C1QA: variants seen among roughly 807,000 people sequenced by gnomAD.
The protein encoded by C1QA is complement C1q subcomponent subunit A.
C1QA carries 3 observed loss-of-function variants against 6.9 expected under a neutral mutation model. That is an observed-to-expected ratio of 0.44 (90% confidence interval 0.20 to 1.12). The LOEUF is 1.12. Among genes scored for constraint, C1QA ranks in the 50% most tolerant of loss-of-function variants. The pLI is 0.27. For synonymous variants in C1QA, 128 were observed against 134.1 expected, an observed-to-expected ratio of 0.95 and a Z score of 0.31; for missense variants, 273 against 326.6, an observed-to-expected ratio of 0.84 and a Z score of 1.26.
At position 22,639,103 on chromosome 1, in the gene C1QA, A is replaced by G. The variant is rs1484252584; in HGVS notation, c.434A>G (p.Gln145Arg). The change falls in exon 3 of 3, where the codon CAG becomes CGG. Residue 145 changes from glutamine (Q) to arginine (R), a missense_variant. Physicochemically the swap from Gln to Arg is conservative, Grantham distance 43. Coordinates refer to ENST00000374642, the MANE Select transcript of C1QA (RefSeq NM_015991.4). This position sits in a 1 kb window ranked among gnomAD's most constrained non-coding sequence, Gnocchi z 4.6. ...TVITNQEEPYQNHSGRFVCTV... is the reference protein window; with the variant it reads ...TVITNQEEPYRNHSGRFVCTV... ...ATCACCAACCAGGAAGAACCGTACC[A>G]GAACCACTCCGGCCGATTCGTCTGC... The G allele has an allele frequency of 1.2e-6, 2 of 1,614,262 alleles. No individual in the cohort carries two copies. The highest frequency in any genetic ancestry group is 8.5e-7 in the Non-Finnish European group (1 of 1,180,040).
In C1QA at chr1:22,639,043, C is replaced by T. The variant is rs768311730; in HGVS notation, c.374C>T (p.Pro125Leu). ...PAFSAIRRNP[P>L]MGGNVVIFDT... ...TTCTCCGCCATTCGGCGGAACCCCC[C>T]AATGGGGGGCAACGTGGTCATCTTC... Residue 125 changes from proline (P) to leucine (L), a missense_variant, in exon 3 of 3, where the codon CCA becomes CTA. Physicochemically the swap from Pro to Leu is moderately conservative, Grantham distance 98. Coordinates refer to ENST00000374642, the MANE Select transcript of C1QA (RefSeq NM_015991.4). The surrounding 1 kb of genome is among the most constrained non-coding windows in gnomAD (Gnocchi z 4.6). The T allele has an allele frequency of 1.9e-6, 3 of 1,614,112 alleles. No homozygotes were observed. The highest frequency in any genetic ancestry group is 1.3e-5 in the African/African-American group (1 of 74,962).
In C1QA at chr1:22,637,910, G is replaced by A; in HGVS notation, c.163+131G>A. The A allele has an allele frequency of 6.3e-6, 8 of 1,262,088 alleles. No individual in the cohort carries two copies. Among genetic ancestry groups the A allele is most frequent in the Non-Finnish European group, 8.6e-6 (8 of 934,056 alleles). The allele number at this position is 1,262,088 out of a possible 1,614,324, so 78.2% of individuals were successfully genotyped here. On this transcript the variant is annotated intron_variant, in intron 2 of 2. Transcript: ENST00000374642. This position sits in a 1 kb window ranked among gnomAD's most constrained non-coding sequence, Gnocchi z 4.4. ...GTGCCCCATGAATCCTCTCCAGTTT[G>A]TACTTGGCCACAGGGGCTAAGGGAG...
At position 22,639,419 on chromosome 1, in the gene C1QA, AC is replaced by A; in HGVS notation, c.*17del. The A allele has an allele frequency of 6.2e-7, 1 of 1,609,736 alleles. No homozygotes were observed. The highest frequency in any genetic ancestry group is 8.5e-7 in the Non-Finnish European group (1 of 1,179,496). On this transcript the variant is annotated 3_prime_UTR_variant, in exon 3 of 3. Coordinates refer to ENST00000374642, the MANE Select transcript of C1QA (RefSeq NM_015991.4). This position sits in a 1 kb window ranked among gnomAD's most constrained non-coding sequence, Gnocchi z 4.6. ...TCCCATCTGCCTGAGCCAGGGAAGG[AC>A]CCCCTCCCCCACCCACCTCTCTGGC...
intron 2 of C1QA, 40 bp from the exon 3 acceptor site, chr1:22,638,793 C>T (rs1418435252): frequency 7.1e-6 from 11 of 1,544,062 alleles, no homozygotes; most frequent in Non-Finnish European, 9.7e-6. Context: ...GACCAGTAGG[C>T]ATTGGACTCT....
rs1327640934 is a variant in C1QA at position 22,637,657 on chromosome 1, C to T, written c.41C>T (p.Ala14Val). 3.1e-6 allele frequency: 5 copies of T among 1,614,096 alleles called. No individual in the cohort carries two copies. Among genetic ancestry groups the T allele is most frequent in the East Asian group, 2.2e-5 (1 of 44,876 alleles). Residue 14 changes from alanine (A) to valine (V), a missense_variant, in exon 2 of 3, where the codon GCC becomes GTC. Ala to Val is a moderately conservative substitution (Grantham distance 64). Coordinates refer to ENST00000374642, the MANE Select transcript of C1QA (RefSeq NM_015991.4). The surrounding 1 kb of genome is among the most constrained non-coding windows in gnomAD (Gnocchi z 4.4). Reference sequence around the variant, plus strand: ...GGATGGCTGGTGCTCTGTGTGCTGGCCATATCGCTGGCCTCTATGGTGACC... The same window carrying T: ...GGATGGCTGGTGCTCTGTGTGCTGGTCATATCGCTGGCCTCTATGGTGACC... ...PRGWLVLCVL[A>V]ISLASMVTED...
At position 22,639,333 on chromosome 1, in the gene C1QA, A is replaced by C. The variant is rs745706454; in HGVS notation, c.664A>C (p.Lys222Gln). ...GDQVWVEKDP[K>Q]KGHIYQGSEA... is the part of the protein sequence containing the mutation. ...CCAGGTCTGGGTTGAAAAAGACCCC[A>C]AAAAGGGTCACATTTACCAGGGCTC... Residue 222 changes from lysine to glutamine, a missense_variant, in exon 3 of 3, where the codon AAA becomes CAA. Transcript: ENST00000374642. This position sits in a 1 kb window ranked among gnomAD's most constrained non-coding sequence, Gnocchi z 4.6. The C allele has an allele frequency of 6.8e-6, 11 of 1,614,060 alleles. No individual in the cohort carries two copies. The East Asian group carries it at 8.9e-5, about 13-fold the overall frequency.
Position 22,639,162 on chromosome 1 carries a change from G to T in C1QA, c.493G>T (p.Val165Leu), listed in dbSNP as rs1243783719. The T allele has an allele frequency of 6.2e-7, 1 of 1,614,096 alleles. No individual in the cohort carries two copies. Among genetic ancestry groups the T allele is most frequent in the African/African-American group, 1.3e-5 (1 of 74,932 alleles). Reference sequence around the variant, plus strand: ...CGGCTACTACTACTTCACCTTCCAGGTGCTGTCCCAGTGGGAAATCTGCCT... The same window carrying T: ...CGGCTACTACTACTTCACCTTCCAGTTGCTGTCCCAGTGGGAAATCTGCCT... ...VPGYYYFTFQ[V>L]LSQWEICLSI... is the part of the protein sequence containing the mutation. The change falls in exon 3 of 3, where the codon GTG (valine) becomes TTG (leucine). Residue 165 changes from valine (V) to leucine (L), a missense_variant. Physicochemically the swap from Val to Leu is conservative, Grantham distance 32. Coordinates refer to ENST00000374642, the MANE Select transcript of C1QA (RefSeq NM_015991.4). The surrounding 1 kb of genome is among the most constrained non-coding windows in gnomAD (Gnocchi z 4.6).
intron 2 of C1QA, among the ~76,000 whole-genome samples, chr1:22,638,623 C>T (rs1227481082): frequency 6.6e-6 from 1 of 152,198 alleles, no homozygotes; most frequent in African/African-American, 2.4e-5. Context: ...TCCCAAGTGC[C>T]TGTTCACACT....
chr1:22,637,867 G>A lies in C1QA; in HGVS notation c.163+88G>A. On this transcript the variant is annotated intron_variant, in intron 2 of 2. Transcript: ENST00000374642. This position sits in a 1 kb window ranked among gnomAD's most constrained non-coding sequence, Gnocchi z 4.4. ...AGGCTTGGGGTGGCACTGAGAATCA[G>A]GAGTCCGTCTGCCCCCAGTGCCCCA... 1 of 1,437,194 alleles carries A rather than the reference G, an allele frequency of 7.0e-7. No homozygotes were observed. The highest frequency in any genetic ancestry group is 9.3e-7 in the Non-Finnish European group (1 of 1,076,724). The allele number at this position is 1,437,194 out of a possible 1,614,324, so 89.0% of individuals were successfully genotyped here. A position where few individuals can be genotyped will look rare whatever the true frequency, so the allele number is the denominator to read the frequency against.
chr1:22,639,474 G>T lies in C1QA; in HGVS notation c.*67G>T. 6.4e-7 allele frequency: 1 copy of T among 1,567,480 alleles called. No individual in the cohort carries two copies. Among genetic ancestry groups the T allele is most frequent in the Non-Finnish European group, 8.7e-7 (1 of 1,153,456 alleles). On this transcript the variant is annotated 3_prime_UTR_variant, in exon 3 of 3. Transcript: ENST00000374642. The surrounding 1 kb of genome is among the most constrained non-coding windows in gnomAD (Gnocchi z 4.6). ...CATGCTCCGCCTGTAAAATGGGGGC[G>T]CTATTGCTTCAGCTGCTGAAGGGAG...
At chr1:22,638,710 C>T (rs1431981711) in intron 2 of C1QA, 123 bp from the exon 3 acceptor site, 10 of 1,072,876 alleles carry the variant, frequency 9.3e-6, no homozygotes, top group East Asian at 7.7e-5. Context: ...CAATCAGAAT[C>T]GATGTCCTGA....
Position 22,637,478 on chromosome 1 carries a change from T to C in C1QA, c.-7-132T>C, listed in dbSNP as rs781250095. On this transcript the variant is annotated intron_variant, in intron 1 of 2. Transcript: ENST00000374642. The surrounding 1 kb of genome is among the most constrained non-coding windows in gnomAD (Gnocchi z 4.4). ...CCTGGGGCTGGATTGAGAGTGGACA[T>C]TGAGAGCCCCAGAGGGTGCATGTGC... 20 of 1,153,898 alleles carry C rather than the reference T, an allele frequency of 1.7e-5. No individual in the cohort carries two copies. The highest frequency in any genetic ancestry group is 2.6e-5 in the East Asian group (1 of 38,816). The allele number at this position is 1,153,898 out of a possible 1,614,324, so 71.5% of individuals were successfully genotyped here. A position where few individuals can be genotyped will look rare whatever the true frequency, so the allele number is the denominator to read the frequency against.
Position 22,639,559 on chromosome 1 carries a change from GT to G in C1QA, c.*155del, listed in dbSNP as rs1470341180. The stretch of plus-strand genomic sequence containing the variant: ...CCGTGACACATGCTCTAAGAAGCTC[GT>G]TTCTTAGACCTCTTCCTGGAATAAA... On this transcript the variant is annotated 3_prime_UTR_variant, in exon 3 of 3. Transcript: ENST00000374642. The surrounding 1 kb of genome is among the most constrained non-coding windows in gnomAD (Gnocchi z 4.6). 1 of 787,982 alleles carries G rather than the reference GT, an allele frequency of 1.3e-6. No homozygotes were observed. The highest frequency in any genetic ancestry group is 1.7e-5 in the African/African-American group (1 of 57,216). 48.8% of individuals were successfully genotyped at this position (787,982 alleles called of 1,614,324 possible). A position where few individuals can be genotyped will look rare whatever the true frequency, so the allele number is the denominator to read the frequency against.
chr1:22,639,490 C>T lies in C1QA; in HGVS notation c.*83C>T. On this transcript the variant is annotated 3_prime_UTR_variant, in exon 3 of 3. Transcript: ENST00000374642. The surrounding 1 kb of genome is among the most constrained non-coding windows in gnomAD (Gnocchi z 4.6). The stretch of plus-strand genomic sequence containing the variant: ...AATGGGGGCGCTATTGCTTCAGCTG[C>T]TGAAGGGAGGGGGCTGGCTCTGAGA... 4 of 1,512,774 alleles carry T rather than the reference C, an allele frequency of 2.6e-6. No individual in the cohort carries two copies. Among genetic ancestry groups the T allele is most frequent in the Non-Finnish European group, 3.6e-6 (4 of 1,111,844 alleles). 93.7% of individuals were successfully genotyped at this position (1,512,774 alleles called of 1,614,324 possible). A position where few individuals can be genotyped will look rare whatever the true frequency, so the allele number is the denominator to read the frequency against.
rs1007616758 is a variant in C1QA at position 22,638,763 on chromosome 1, G to T, written c.164-70G>T. On this transcript the variant is annotated intron_variant, in intron 2 of 2. Coordinates refer to ENST00000374642, the MANE Select transcript of C1QA (RefSeq NM_015991.4). ...TGCCCTTTATCCCATAGACTCAGGG[G>T]GTCCAGCTCTCTCCCTGAGGACCAG... The T allele has an allele frequency of 4.7e-6, 7 of 1,493,732 alleles. No individual in the cohort carries two copies. In the African/African-American group the frequency reaches 9.7e-5, roughly 21 times the overall value. The allele number at this position is 1,493,732 out of a possible 1,614,324, so 92.5% of individuals were successfully genotyped here.
Position 22,637,820 on chromosome 1 carries a change from C to A in C1QA, c.163+41C>A, listed in dbSNP as rs1642206385. 6.6e-7 allele frequency: 1 copy of A among 1,526,662 alleles called. No individual in the cohort carries two copies. The highest frequency in any genetic ancestry group is 8.8e-7 in the Non-Finnish European group (1 of 1,133,946). The allele number at this position is 1,526,662 out of a possible 1,614,324, so 94.6% of individuals were successfully genotyped here. ...CGGGACCCAGCCCCTTGGACCTTGG[C>A]CTGACTTGGCCTCCAGGGTGAAGGC... On this transcript the variant is annotated intron_variant, in intron 2 of 2. Transcript: ENST00000374642. This position sits in a 1 kb window ranked among gnomAD's most constrained non-coding sequence, Gnocchi z 4.4.
In C1QA at chr1:22,637,772, G is replaced by C; in HGVS notation, c.156G>C (p.Gly52=). The C allele has an allele frequency of 6.3e-7, 1 of 1,582,564 alleles. No homozygotes were observed. The highest frequency in any genetic ancestry group is 8.6e-7 in the Non-Finnish European group (1 of 1,164,898). The change falls in exon 2 of 3, where the codon GGG becomes GGC. Residue 52 remains glycine (G), a synonymous_variant. Transcript: ENST00000374642. This position sits in a 1 kb window ranked among gnomAD's most constrained non-coding sequence, Gnocchi z 4.4. ...GGCCAGGCCTCAAGGGGGAGCAAGG[G>C]GAGCCGGGTAAGCACCCTTCCTCGG... ...RGRPGLKGEQ[G]EPGAPGIRTG...
intron 2 of C1QA, among the ~76,000 whole-genome samples, chr1:22,638,129 C>A (rs1642210487): frequency 6.6e-6 from 1 of 152,198 alleles, no homozygotes; most frequent in Non-Finnish European, 1.5e-5. Flanking sequence ...AGTTTAGACT[C>A]AGGAGCCACT....
In C1QA at chr1:22,639,545, G is replaced by A; in HGVS notation, c.*138G>A. On this transcript the variant is annotated 3_prime_UTR_variant, in exon 3 of 3. Coordinates refer to ENST00000374642, the MANE Select transcript of C1QA (RefSeq NM_015991.4). This position sits in a 1 kb window ranked among gnomAD's most constrained non-coding sequence, Gnocchi z 4.6. ...CAGGACTGGCTGCCCCGTGACACAT[G>A]CTCTAAGAAGCTCGTTTCTTAGACC... The A allele has an allele frequency of 1.1e-6, 1 of 870,654 alleles. No homozygotes were observed. The highest frequency in any genetic ancestry group is 1.8e-6 in the Non-Finnish European group (1 of 569,130). The allele number at this position is 870,654 out of a possible 1,614,324, so 53.9% of individuals were successfully genotyped here. A position where few individuals can be genotyped will look rare whatever the true frequency, so the allele number is the denominator to read the frequency against.
Sources: allele counts gnomAD v4.1 joint callset (sites outside exome capture counted in the v4.1 genomes callset), GRCh38; gene constraint gnomAD v4.1.1; non-coding constraint Gnocchi (gnomAD v3.1); transcripts MANE v1.5; gene names NCBI Gene and HGNC (gene_info 2026-07-23, HGNC 2026-07-21).